The following TMED5 variants were observed in gnomAD, a reference collection of about 807,000 sequenced individuals.
The protein encoded by TMED5 is transmembrane p24 trafficking protein 5.
Under a neutral mutation model 23.0 loss-of-function variants are expected in TMED5, and 27 were observed. The ratio of observed to expected loss-of-function variants is 1.17; its 90% confidence interval spans 0.86 to 1.62. The LOEUF is 1.62. Ranked by LOEUF, TMED5 falls within the 40% of genes most tolerant of loss-of-function variation. The probability of loss-of-function intolerance (pLI) is 0.00; values close to 1 mark genes in which losing one functional copy is unlikely to be tolerated. For synonymous variants in TMED5, 97 were observed against 100.8 expected, an observed-to-expected ratio of 0.96 and a Z score of 0.23; for missense variants, 248 against 273.7, an observed-to-expected ratio of 0.91 and a Z score of 0.66.
intron 1 of TMED5, among the ~76,000 whole-genome samples, chr1:93,174,386 A>T (rs58807475): frequency 0.088 from 13,465 of 152,218 alleles, 1,955 homozygotes; most frequent in African/African-American, 0.31. Flanking sequence ...ATGTGCCTGT[A>T]GTCCCAGCTA....
chr1:93,156,560 GAAGT>G, intron 2 of TMED5, 77 bp from the exon 3 acceptor site: 1 of 1,176,714 alleles, frequency 8.5e-7, no homozygotes, highest in African/African-American at 1.5e-5. Context: ...GTAAAAATAA[GAAGT>G]AACAGGCTGA....
chr1:93,157,900 A>G (rs959450005), intron 2 of TMED5, among the ~76,000 whole-genome samples: 2 of 152,138 alleles, frequency 1.3e-5, no homozygotes, highest in African/African-American at 4.8e-5. Flanking sequence ...CGAGGCAGGC[A>G]GATCACGAGG....
Position 93,150,037 on chromosome 1 carries a change from A to G in TMED5, c.*4633T>C, listed in dbSNP as rs1324463279. The G allele has an allele frequency of 3.9e-5, 6 of 152,206 alleles. No individual in the cohort carries two copies. Among genetic ancestry groups the G allele is most frequent in the African/African-American group, 7.2e-5 (3 of 41,458 alleles). The allele number at this position is 152,206 out of a possible 1,614,324, so 9.4% of individuals were successfully genotyped here. ...ATATGTTTCAGCTATAAATACTTCT[A>G]ACATTTCACATGTATATTTATGTAA... On this transcript the variant is annotated 3_prime_UTR_variant, in exon 4 of 4. Transcript: ENST00000370282.
intron 1 of TMED5, among the ~76,000 whole-genome samples, chr1:93,172,993 A>G (rs1266816202): frequency 1.3e-5 from 2 of 152,218 alleles, no homozygotes; most frequent in Non-Finnish European, 2.9e-5. Flanking sequence ...CTAGAATTCC[A>G]TACAGTTCCA....
intron 1 of TMED5, among the ~76,000 whole-genome samples, chr1:93,170,839 C>T (rs1648700831): frequency 6.6e-6 from 1 of 152,192 alleles, no homozygotes; most frequent in South Asian, 2.1e-4. Context: ...CTTTTGTTGT[C>T]TAGCTCAGGG....
intron 1 of TMED5, among the ~76,000 whole-genome samples, chr1:93,174,372 T>C (rs1055967791): frequency 6.6e-5 from 10 of 152,208 alleles, no homozygotes; most frequent in African/African-American, 2.4e-4. Context: ...ACAGGTGTGG[T>C]GGCATGTGCC....
chr1:93,150,164 T>C lies in TMED5; in HGVS notation c.*4506A>G, dbSNP rs571707547. On this transcript the variant is annotated 3_prime_UTR_variant, in exon 4 of 4. Transcript: ENST00000370282. ...AGACCTGGCAACCACGAATCTTGTTTCCCATCTCTATAGCTTTATTATTTA... is the reference window on the plus strand; with the variant it reads ...AGACCTGGCAACCACGAATCTTGTTCCCCATCTCTATAGCTTTATTATTTA... 1 of 152,318 alleles carries C rather than the reference T, an allele frequency of 6.6e-6. No individual in the cohort carries two copies. Among genetic ancestry groups the C allele is most frequent in the African/African-American group, 2.4e-5 (1 of 41,570 alleles). 9.4% of individuals were successfully genotyped at this position (152,318 alleles called of 1,614,324 possible).
At chr1:93,164,990 G>A (rs952473471) in intron 1 of TMED5, among the ~76,000 whole-genome samples, 2 of 152,226 alleles carry the variant, frequency 1.3e-5, no homozygotes, top group Non-Finnish European at 1.5e-5. Context: ...TGTAAAATGC[G>A]TTACAGAGAG....
intron 2 of TMED5, among the ~76,000 whole-genome samples, chr1:93,158,241 A>G (rs1353964254): frequency 6.6e-6 from 1 of 152,160 alleles, no homozygotes. Context: ...TCAGCAACTT[A>G]ATTGTTCTAT....
intron 1 of TMED5, among the ~76,000 whole-genome samples, chr1:93,176,576 G>A (rs1185007986): frequency 1.3e-5 from 2 of 151,898 alleles, no homozygotes; most frequent in East Asian, 1.9e-4. Context: ...TCTTGTCACC[G>A]AGGCTGGAGT....
chr1:93,161,462 C>T (rs1200016644), intron 1 of TMED5: 1 of 152,222 alleles, frequency 6.6e-6, no homozygotes, highest in Non-Finnish European at 1.5e-5. Flanking sequence ...CAATTGTATT[C>T]ATTCTTTAAG....
intron 1 of TMED5, among the ~76,000 whole-genome samples, chr1:93,179,625 C>T (rs1335679): frequency 0.53 from 80,059 of 152,090 alleles, 24,271 homozygotes; most frequent in South Asian, 0.68. Context: ...AACATCTGAA[C>T]TGTGTGAAAG....
chr1:93,169,882 T>TACACACACACACACACACACACACAC (rs59467244), intron 1 of TMED5, among the ~76,000 whole-genome samples: 4 of 130,502 alleles, frequency 3.1e-5, no homozygotes, highest in Admixed American at 2.3e-4. Context: ...ACCCTGTCTG[T>TACACACACACACACACACACACACAC]ACACACACAC....
In TMED5 at chr1:93,153,620, G is replaced by A. The variant is rs1399039092; in HGVS notation, c.*1050C>T. ...GATATTTATTTATAGTTCTACTTAA[G>A]TGAATTTTATTTTGGATTAGGTTTT... On this transcript the variant is annotated 3_prime_UTR_variant, in exon 4 of 4. Transcript: ENST00000370282. 1 of 152,086 alleles carries A rather than the reference G, an allele frequency of 6.6e-6. No individual in the cohort carries two copies. The highest frequency in any genetic ancestry group is 6.5e-5 in the Admixed American group (1 of 15,280). The allele number at this position is 152,086 out of a possible 1,614,324, so 9.4% of individuals were successfully genotyped here.
chr1:93,156,057 C>T (rs1648065236), intron 3 of TMED5: 1 of 1,476,040 alleles, frequency 6.8e-7, no homozygotes, highest in Non-Finnish European at 9.0e-7. Flanking sequence ...CTTATTTGCA[C>T]ATCTGAAGCT....
At chr1:93,164,228 C>A (rs1301358064) in intron 1 of TMED5, among the ~76,000 whole-genome samples, 1 of 152,062 alleles carries the variant, frequency 6.6e-6, no homozygotes, top group Non-Finnish European at 1.5e-5. Context: ...TGAAAACAAT[C>A]TTTCCAACTA....
Position 93,152,407 on chromosome 1 carries a change from T to C in TMED5, c.*2263A>G, listed in dbSNP as rs1478378632. On this transcript the variant is annotated 3_prime_UTR_variant, in exon 4 of 4. Transcript: ENST00000370282. ...AAGCATATGAAGCAGATAAACAGTA[T>C]GTCTTTAGAAATATTAAAGATTTTT... 6.6e-6 allele frequency: 1 copy of C among 152,294 alleles called. No individual in the cohort carries two copies. Among genetic ancestry groups the C allele is most frequent in the Non-Finnish European group, 1.5e-5 (1 of 68,020 alleles). The allele number at this position is 152,294 out of a possible 1,614,324, so 9.4% of individuals were successfully genotyped here.
chr1:93,156,074 A>G lies in TMED5; in HGVS notation c.471+226T>C, dbSNP rs965554389. On this transcript the variant is annotated intron_variant, in intron 3 of 3. Transcript: ENST00000370282. ...TATTTGCACATCTGAAGCTATTTTT[A>G]TAATAGGGTCCTGGAAGATAAGTTA... 7 of 1,470,464 alleles carry G rather than the reference A, an allele frequency of 4.8e-6. No homozygotes were observed. The African/African-American group carries it at 7.1e-5, about 15-fold the overall frequency. 91.1% of individuals were successfully genotyped at this position (1,470,464 alleles called of 1,614,324 possible).
chr1:93,161,819 G>A (rs559612166), intron 1 of TMED5: 1 of 152,216 alleles, frequency 6.6e-6, no homozygotes, highest in African/African-American at 2.4e-5. Context: ...ATGATAAGAT[G>A]GATGAAAATT....
Sources: allele counts gnomAD v4.1 joint callset (sites outside exome capture counted in the v4.1 genomes callset), GRCh38; gene constraint gnomAD v4.1.1; transcripts MANE v1.5; gene names NCBI Gene and HGNC (gene_info 2026-07-23, HGNC 2026-07-21).